The following EXT2 variants were observed in gnomAD, a reference collection of about 807,000 sequenced individuals.
EXT2 encodes exostosin glycosyltransferase 2.
Under a neutral mutation model 81.6 loss-of-function variants are expected in EXT2, and 53 were observed. That is an observed-to-expected ratio of 0.65 (90% CI 0.52 to 0.82). EXT2 has a LOEUF of 0.82. EXT2 is among the 40% of genes least tolerant of loss of function. The pLI is 0.00. For missense variants in EXT2, 774 were observed against 910.2 expected, an observed-to-expected ratio of 0.85 and a Z score of 1.93; for synonymous variants, 320 against 340.0, an observed-to-expected ratio of 0.94 and a Z score of 0.65.
At chr11:44,098,694 C>CA (rs781017263) in intron 1 of EXT2, among the ~76,000 whole-genome samples, 10,874 of 72,174 alleles carry the variant, frequency 0.15, 614 homozygotes, top group South Asian at 0.19. Context: ...GATTCTGTCT[C>CA]AAAAAAAAAA....
intron 8 of EXT2, among the ~76,000 whole-genome samples, chr11:44,174,484 ATT>A (rs1955127769): frequency 6.6e-6 from 1 of 151,598 alleles, no homozygotes. Flanking sequence ...TAGATTTAAA[ATT>A]TTTTCTTATA....
At position 44,144,232 on chromosome 11, in the gene EXT2, C is replaced by T. The variant is rs778244588; in HGVS notation, c.1173+14094C>T. On this transcript the variant is annotated intron_variant, in intron 7 of 13. Transcript: ENST00000533608. Reference sequence around the variant, plus strand: ...ATGACACATCTTGATTAAAGGTTTCCAATTCACCTTTCAGCTCTTCATGGA... The same window carrying T: ...ATGACACATCTTGATTAAAGGTTTCTAATTCACCTTTCAGCTCTTCATGGA... The T allele has an allele frequency of 1.1e-5, 18 of 1,592,046 alleles. No individual in the cohort carries two copies. In the African/African-American group the frequency reaches 1.5e-4, roughly 13 times the overall value.
At chr11:44,193,527 T>C (rs1955418672) in intron 8 of EXT2, among the ~76,000 whole-genome samples, 1 of 152,262 alleles carries the variant, frequency 6.6e-6, no homozygotes, top group Non-Finnish European at 1.5e-5. Context: ...GCCCAGGCTA[T>C]GCAGCTGGCA....
At chr11:44,187,031 T>C (rs902054181) in intron 8 of EXT2, among the ~76,000 whole-genome samples, 1 of 145,504 alleles carries the variant, frequency 6.9e-6, no homozygotes, top group African/African-American at 2.6e-5. Context: ...CCTTCCTTCC[T>C]TCCTTCCTTC....
rs545293097 is a variant in EXT2 at position 44,250,566 on chromosome 11, G to A, written c.*6279G>A. On this transcript the variant is annotated 3_prime_UTR_variant, in exon 14 of 14. Coordinates refer to ENST00000533608, the MANE Select transcript of EXT2 (RefSeq NM_207122.2). ...GGGGGTCTGGATCCTATCTGGCCCC[G>A]TCAGGGTGGATTACCAAATGAGCAG... Among the ~76,000 whole-genome samples the A allele has an allele frequency of 1.2e-4, 19 of 152,300 alleles. No homozygotes were observed. Among genetic ancestry groups the A allele is most frequent in the South Asian group, 4.1e-4 (2 of 4,822 alleles).
chr11:44,157,897 C>T (rs1047283538), intron 7 of EXT2, among the ~76,000 whole-genome samples: 1 of 152,212 alleles, frequency 6.6e-6, no homozygotes, highest in Non-Finnish European at 1.5e-5. Context: ...CTGTGTACCA[C>T]TGATGTTTAT....
intron 7 of EXT2, among the ~76,000 whole-genome samples, chr11:44,153,926 T>TG (rs1954825573): frequency 1.3e-5 from 2 of 151,940 alleles, no homozygotes; most frequent in African/African-American, 4.8e-5. Context: ...TTGTTGTTGT[T>TG]TTTTTTTAGA....
At chr11:44,233,096 G>A (rs1379593572) in intron 11 of EXT2, among the ~76,000 whole-genome samples, 1 of 151,994 alleles carries the variant, frequency 6.6e-6, no homozygotes, top group Non-Finnish European at 1.5e-5. Flanking sequence ...ATATCAAAGG[G>A]CATGAATATT....
At chr11:44,109,745 C>T (rs997796133) in intron 3 of EXT2, among the ~76,000 whole-genome samples, 2 of 152,154 alleles carry the variant, frequency 1.3e-5, no homozygotes, top group Non-Finnish European at 2.9e-5. Context: ...CTGTCCGTTC[C>T]TCCCTCCCTC....
At chr11:44,138,222 C>T (rs1189476701) in intron 7 of EXT2, among the ~76,000 whole-genome samples, 1 of 152,084 alleles carries the variant, frequency 6.6e-6, no homozygotes, top group African/African-American at 2.4e-5. Flanking sequence ...CGGTAACTAA[C>T]AAGCGGAAGG....
At chr11:44,119,077 A>G (rs1305547952) in intron 4 of EXT2, among the ~76,000 whole-genome samples, 1 of 143,416 alleles carries the variant, frequency 7.0e-6, no homozygotes. Context: ...GCTGTCTCTC[A>G]TCAGGAGAAA....
intron 8 of EXT2, among the ~76,000 whole-genome samples, chr11:44,192,407 AG>A (rs1022507482): frequency 2.0e-5 from 3 of 151,978 alleles, no homozygotes; most frequent in African/African-American, 7.3e-5. Flanking sequence ...GTGTTTTGAG[AG>A]GAAGGAAAGT....
chr11:44,243,901 C>G (rs987117416), intron 13 of EXT2, among the ~76,000 whole-genome samples: 2 of 152,072 alleles, frequency 1.3e-5, no homozygotes, highest in Non-Finnish European at 2.9e-5. Flanking sequence ...AGCAGCATCT[C>G]CTGTTCACGT....
chr11:44,204,018 A>G (rs1955552487), intron 9 of EXT2, among the ~76,000 whole-genome samples: 1 of 152,188 alleles, frequency 6.6e-6, no homozygotes, highest in South Asian at 2.1e-4. Flanking sequence ...AGATGCCTGC[A>G]CTGTCCTTGT....
At chr11:44,119,173 C>CATATATATAT (rs1212083609) in intron 4 of EXT2, among the ~76,000 whole-genome samples, 1 of 69,242 alleles carries the variant, frequency 1.4e-5, no homozygotes, top group African/African-American at 5.8e-5. Flanking sequence ...TATATATACA[C>CATATATATAT]ATACACACAC....
intron 7 of EXT2, among the ~76,000 whole-genome samples, chr11:44,153,914 G>A (rs1007201859): frequency 6.6e-6 from 1 of 151,228 alleles, no homozygotes; most frequent in South Asian, 2.1e-4. Flanking sequence ...TTTGAATACT[G>A]GTTGTTGTTG....
In EXT2 at chr11:44,248,341, A is replaced by G. The variant is rs989250543; in HGVS notation, c.*4054A>G. On this transcript the variant is annotated 3_prime_UTR_variant, in exon 14 of 14. Coordinates refer to ENST00000533608, the MANE Select transcript of EXT2 (RefSeq NM_207122.2). ...CATATTGGCAGCAGCTTCCATCCAG[A>G]GAGACTTTGAAAGCAACTTGAGCTT... Among the ~76,000 whole-genome samples the G allele has an allele frequency of 2.6e-5, 4 of 152,130 alleles. No individual in the cohort carries two copies. Among genetic ancestry groups the G allele is most frequent in the African/African-American group, 9.7e-5 (4 of 41,428 alleles).
At position 44,197,956 on chromosome 11, in the gene EXT2, A is replaced by G; in HGVS notation, c.1433A>G (p.Lys478Arg). 1 of 1,614,120 alleles carries G rather than the reference A, an allele frequency of 6.2e-7. No individual in the cohort carries two copies. The highest frequency in any genetic ancestry group is 8.5e-7 in the Non-Finnish European group (1 of 1,179,994). Residue 478 changes from lysine (K) to arginine (R), a missense_variant, in exon 9 of 14, where the codon AAG becomes AGG. Transcript: ENST00000533608. ...TTCCGGGTCATCACTGAAGTGTCCA[A>G]GGTGCCCAGTCTATCCAAACTACTT... ...SLFRVITEVSKVPSLSKLLVV... is the reference protein window; with the variant it reads ...SLFRVITEVSRVPSLSKLLVV...
chr11:44,176,458 A>G (rs533762042), intron 8 of EXT2, among the ~76,000 whole-genome samples: 2 of 152,144 alleles, frequency 1.3e-5, no homozygotes, highest in African/African-American at 4.8e-5. Context: ...ACTGGAAAAT[A>G]TATTCTCTAT....
Sources: gnomAD v4.1 joint callset for allele counts (sites outside exome capture counted in the v4.1 genomes callset) on GRCh38, gnomAD v4.1.1 for gene constraint, MANE v1.5 for transcripts, NCBI Gene and HGNC (gene_info 2026-07-23, HGNC 2026-07-21) for gene names.